The following RC3H1 variants were observed in gnomAD, a reference collection of about 807,000 sequenced individuals.
The protein encoded by RC3H1 is roquin-1.
In RC3H1, 50 loss-of-function variants were observed where a neutral mutation model predicts 138.2. The observed-to-expected ratio is 0.36, with a 90% confidence interval of 0.29 to 0.46. RC3H1 has a LOEUF of 0.46. Among genes scored for constraint, RC3H1 ranks in the 20% least tolerant of loss-of-function variants. RC3H1 has a pLI of 1.00. For synonymous variants in RC3H1, 462 were observed against 489.1 expected, an observed-to-expected ratio of 0.94 and a Z score of 0.73; for missense variants, 1,031 against 1,388.1, an observed-to-expected ratio of 0.74 and a Z score of 4.09.
intron 1 of RC3H1, among the ~76,000 whole-genome samples, chr1:174,019,318 G>T (rs1166959148): frequency 6.6e-6 from 1 of 152,162 alleles, no homozygotes; most frequent in Non-Finnish European, 1.5e-5. Context: ...GCAAAAAAAG[G>T]AATCTGTCAA....
intron 1 of RC3H1, chr1:174,016,279 A>C (rs1261075207): frequency 6.6e-6 from 1 of 152,200 alleles, no homozygotes; most frequent in Non-Finnish European, 1.5e-5. Context: ...CTAAAAAATT[A>C]ATGAGGCATA....
intron 1 of RC3H1, among the ~76,000 whole-genome samples, chr1:174,017,733 T>C (rs1306899852): frequency 7.2e-6 from 1 of 139,668 alleles, no homozygotes; most frequent in Non-Finnish European, 1.5e-5. Context: ...ATAAAAAAAA[T>C]TATGTTAATC....
At chr1:173,943,708 GC>G in intron 17 of RC3H1, 93 bp from the exon 18 acceptor site, 2 of 1,244,514 alleles carry the variant, frequency 1.6e-6, no homozygotes, top group Non-Finnish European at 2.2e-6. Context: ...GCCTTGAGTA[GC>G]TTATCACCCA....
At chr1:174,010,766 T>C (rs534229971) in intron 1 of RC3H1, among the ~76,000 whole-genome samples, 65 of 152,232 alleles carry the variant, frequency 4.3e-4, no homozygotes, top group African/African-American at 1.3e-3. Flanking sequence ...TCACAGCTGA[T>C]AGTCACTTAC....
intron 17 of RC3H1, 38 bp from the exon 18 acceptor site, chr1:173,943,653 A>AAATTGCTC: frequency 6.3e-7 from 1 of 1,576,014 alleles, no homozygotes; most frequent in Non-Finnish European, 8.6e-7. Flanking sequence ...AACTCAACAC[A>AAATTGCTC]CTTCACACCA....
intron 13 of RC3H1, among the ~76,000 whole-genome samples, chr1:173,955,555 A>C (rs1431299989): frequency 6.6e-6 from 1 of 151,638 alleles, no homozygotes; most frequent in Non-Finnish European, 1.5e-5. Flanking sequence ...TCCTGACCTC[A>C]TGATCTGCCC....
chr1:173,985,231 C>T (rs1411661015), intron 2 of RC3H1, among the ~76,000 whole-genome samples: 1 of 152,124 alleles, frequency 6.6e-6, no homozygotes, highest in Non-Finnish European at 1.5e-5. Flanking sequence ...TAGGTTGTTT[C>T]TATTTTTGAC....
chr1:173,960,754 G>C (rs1028762138), intron 13 of RC3H1, among the ~76,000 whole-genome samples: 1 of 152,174 alleles, frequency 6.6e-6, no homozygotes, highest in Admixed American at 6.5e-5. Context: ...GAAATAGACT[G>C]ACGGAAAAGA....
chr1:173,940,340 G>A (rs561577804), intron 19 of RC3H1, among the ~76,000 whole-genome samples: 6 of 152,160 alleles, frequency 3.9e-5, no homozygotes, highest in African/African-American at 1.4e-4. Context: ...GCATGGTGGT[G>A]CATGCCTATA....
At chr1:173,976,504 G>A (rs1245890111) in intron 7 of RC3H1, among the ~76,000 whole-genome samples, 1 of 151,760 alleles carries the variant, frequency 6.6e-6, no homozygotes, top group Non-Finnish European at 1.5e-5. Flanking sequence ...TAAGAACTGA[G>A]AACTGACTTT....
intron 2 of RC3H1, among the ~76,000 whole-genome samples, chr1:173,986,561 C>G (rs1009274692): frequency 1.3e-5 from 2 of 151,960 alleles, no homozygotes; most frequent in Non-Finnish European, 2.9e-5. Flanking sequence ...ATGTCTCTCC[C>G]TCTTTTTTTT....
intron 6 of RC3H1, among the ~76,000 whole-genome samples, chr1:173,979,005 T>C (rs1379847366): frequency 6.6e-6 from 1 of 152,248 alleles, no homozygotes; most frequent in East Asian, 1.9e-4. Flanking sequence ...TTATCCAATA[T>C]GGTGACCTTG....
chr1:173,991,477 T>A (rs1043034814), intron 2 of RC3H1, among the ~76,000 whole-genome samples: 1 of 152,226 alleles, frequency 6.6e-6, no homozygotes, highest in African/African-American at 2.4e-5. Flanking sequence ...CTTGCCTAAT[T>A]GCCCTAGCTA....
At chr1:174,017,783 C>CCAAAAAAAAAAAAAAAA (rs1165317766) in intron 1 of RC3H1, among the ~76,000 whole-genome samples, 6 of 72,038 alleles carry the variant, frequency 8.3e-5, no homozygotes, top group African/African-American at 3.4e-4. Context: ...TTTTCTTGCT[C>CCAAAAAAAAAAAAAAAA]AAAAAAAAAA....
In RC3H1 at chr1:174,022,022, C is replaced by T; in HGVS notation, c.-151+74G>A. On this transcript the variant is annotated intron_variant, in intron 1 of 19. Transcript: ENST00000367696. The surrounding 1 kb of genome is among the most constrained non-coding windows in gnomAD (Gnocchi z 4.2). ...GAGGACAAACCCTTCCCGACCACAG[C>T]TGCCTATTGTTCCCGACTGAGGCCC... The T allele has an allele frequency of 2.6e-6, 1 of 390,500 alleles. No individual in the cohort carries two copies. The highest frequency in any genetic ancestry group is 4.5e-6 in the Non-Finnish European group (1 of 220,944). 24.2% of individuals were successfully genotyped at this position (390,500 alleles called of 1,614,324 possible). A position where few individuals can be genotyped will look rare whatever the true frequency, so the allele number is the denominator to read the frequency against.
chr1:174,009,175 G>A (rs1193753510), intron 1 of RC3H1: 1 of 152,026 alleles, frequency 6.6e-6, no homozygotes, highest in African/African-American at 2.4e-5. Flanking sequence ...GGAAATGAAA[G>A]GTTGAGATAA....
At chr1:174,019,012 C>T (rs566329652) in intron 1 of RC3H1, among the ~76,000 whole-genome samples, 1 of 152,110 alleles carries the variant, frequency 6.6e-6, no homozygotes, top group Non-Finnish European at 1.5e-5. Flanking sequence ...CAAATATTAG[C>T]TGACCCAACT....
intron 1 of RC3H1, among the ~76,000 whole-genome samples, chr1:173,998,254 A>G (rs1237663622): frequency 6.6e-6 from 1 of 152,160 alleles, no homozygotes; most frequent in Non-Finnish European, 1.5e-5. Context: ...CATTAGGAGT[A>G]TTTCTATTGG....
rs1303346389 is a variant in RC3H1, at chr1:173,934,629, C to A, written c.*4092G>T. The A allele has an allele frequency of 6.6e-6, 1 of 152,136 alleles. No individual in the cohort carries two copies. Among genetic ancestry groups the A allele is most frequent in the Non-Finnish European group, 1.5e-5 (1 of 68,026 alleles). The allele number at this position is 152,136 out of a possible 1,614,324, so 9.4% of individuals were successfully genotyped here. ...CCATTCTTAACCAGACCTTTGTTTG[C>A]CTACCAGTAGGGCAAATACCACATT... On this transcript the variant is annotated 3_prime_UTR_variant, in exon 20 of 20. Transcript: ENST00000367696.
Sources: gnomAD v4.1 joint callset for allele counts (sites outside exome capture counted in the v4.1 genomes callset) on GRCh38, gnomAD v4.1.1 for gene constraint, Gnocchi (gnomAD v3.1) non-coding constraint, MANE v1.5 for transcripts, NCBI Gene and HGNC (gene_info 2026-07-23, HGNC 2026-07-21) for gene names.